KAT6A: variants seen among roughly 807,000 people sequenced by gnomAD.
The protein encoded by KAT6A is histone acetyltransferase KAT6A.
In KAT6A, 9 loss-of-function variants were observed where a neutral mutation model predicts 198.4. The ratio of observed to expected loss-of-function variants is 0.05; its 90% confidence interval spans 0.03 to 0.08. The LOEUF (loss-of-function observed/expected upper bound fraction) is 0.08, where lower values mean the gene tolerates loss of function less well. Ranked by LOEUF, KAT6A falls within the 10% of genes least tolerant of loss-of-function variation. KAT6A has a pLI of 1.00. For synonymous variants in KAT6A, 890 were observed against 883.0 expected, an observed-to-expected ratio of 1.01 and a Z score of -0.14; for missense variants, 2,077 against 2,509.9, an observed-to-expected ratio of 0.83 and a Z score of 3.69.
At chr8:42,000,703 A>G (rs1374713720) in intron 2 of KAT6A, among the ~76,000 whole-genome samples, 1 of 152,226 alleles carries the variant, frequency 6.6e-6, no homozygotes, top group African/African-American at 2.4e-5. Context: ...ATCGGCATAT[A>G]GCATCATTTT....
chr8:41,962,665 T>C (rs1823268803), intron 8 of KAT6A, among the ~76,000 whole-genome samples: 1 of 151,998 alleles, frequency 6.6e-6, no homozygotes, highest in Non-Finnish European at 1.5e-5. Flanking sequence ...GTCATTCTTC[T>C]GCTCAAAACC....
intron 2 of KAT6A, among the ~76,000 whole-genome samples, chr8:42,035,255 C>T (rs1398499792): frequency 6.6e-6 from 1 of 152,114 alleles, no homozygotes; most frequent in African/African-American, 2.4e-5. Flanking sequence ...GCATCAGAAT[C>T]GATGGCAATG....
intron 8 of KAT6A, among the ~76,000 whole-genome samples, chr8:41,964,114 A>G (rs185266641): frequency 7.2e-4 from 110 of 152,310 alleles, no homozygotes; most frequent in African/African-American, 2.5e-3. Flanking sequence ...CAGTAATACT[A>G]TATCATAAAT....
intron 2 of KAT6A, among the ~76,000 whole-genome samples, chr8:42,044,887 T>G (rs1827834303): frequency 6.6e-6 from 1 of 152,224 alleles, no homozygotes; most frequent in African/African-American, 2.4e-5. Context: ...TGGATAATTC[T>G]TTTCTTTTTT....
At chr8:42,023,111 G>A (rs1434733082) in intron 2 of KAT6A, among the ~76,000 whole-genome samples, 1 of 152,144 alleles carries the variant, frequency 6.6e-6, no homozygotes, top group Non-Finnish European at 1.5e-5. Context: ...TAACACAATG[G>A]TAAGATTTTG....
intron 15 of KAT6A, among the ~76,000 whole-genome samples, chr8:41,938,480 G>A (rs750473199): frequency 1.4e-4 from 21 of 152,210 alleles, no homozygotes; most frequent in Middle Eastern, 3.4e-3. Context: ...AGTCCCAATC[G>A]AGAATGTAAT....
At chr8:41,990,079 A>G (rs1482803746) in intron 2 of KAT6A, among the ~76,000 whole-genome samples, 2 of 152,014 alleles carry the variant, frequency 1.3e-5, no homozygotes, top group East Asian at 1.9e-4. Flanking sequence ...AACTCTAAAG[A>G]AGGCCTAGGA....
intron 2 of KAT6A, among the ~76,000 whole-genome samples, chr8:41,998,043 C>CA (rs1825306066): frequency 6.6e-6 from 1 of 152,010 alleles, no homozygotes; most frequent in Non-Finnish European, 1.5e-5. Context: ...GCTAGGTTGT[C>CA]AAAATATAAC....
At chr8:42,025,367 ATG>A (rs1357241694) in intron 2 of KAT6A, among the ~76,000 whole-genome samples, 3 of 82,606 alleles carry the variant, frequency 3.6e-5, no homozygotes, top group South Asian at 4.6e-4. Context: ...GCCCACCACC[ATG>A]CCTGGCTAAT....
chr8:41,977,945 T>C lies in KAT6A; in HGVS notation c.1044-618A>G, dbSNP rs572975712. Among the ~76,000 whole-genome samples, 22 of 152,300 alleles carry C rather than the reference T, an allele frequency of 1.4e-4. No individual in the cohort carries two copies. The East Asian group carries it at 3.9e-3, about 27-fold the overall frequency. On this transcript the variant is annotated intron_variant, in intron 6 of 16. Transcript: ENST00000265713. Reference sequence around the variant, plus strand: ...CGTGTAAAAAAAGTAAGTAAAACTTTTGATAATAAAGGGAGGTTGACAAGC... The same window carrying C: ...CGTGTAAAAAAAGTAAGTAAAACTTCTGATAATAAAGGGAGGTTGACAAGC...
rs898047197 is a variant in KAT6A, at chr8:41,934,942, A to G, written c.3353-75T>C. On this transcript the variant is annotated intron_variant, in intron 16 of 16. Coordinates refer to ENST00000265713, the MANE Select transcript of KAT6A (RefSeq NM_006766.5). ...TCTAGTTCCTTCTTCCAAGACTAGCATATACAATAGAAATGACTTTATTAA... is the reference window on the plus strand; with the variant it reads ...TCTAGTTCCTTCTTCCAAGACTAGCGTATACAATAGAAATGACTTTATTAA... The G allele has an allele frequency of 8.8e-6, 10 of 1,138,086 alleles. No homozygotes were observed. The Admixed American group carries it at 1.4e-4, about 16-fold the overall frequency. The allele number at this position is 1,138,086 out of a possible 1,614,324, so 70.5% of individuals were successfully genotyped here. A position where few individuals can be genotyped will look rare whatever the true frequency, so the allele number is the denominator to read the frequency against.
In KAT6A at chr8:42,016,903, C is replaced by CA. The variant is rs532147107; in HGVS notation, c.601-29341dup. Among the ~76,000 whole-genome samples, 30 of 150,180 alleles carry CA rather than the reference C, an allele frequency of 2.0e-4. 1 individual carries two copies. Among genetic ancestry groups the CA allele is most frequent in the South Asian group, 8.4e-4 (4 of 4,778 alleles). ...AATGACTCTGGATCTCTGAGGGATG[C>CA]AAAAAAAAATTAGCACTACATACAC... On this transcript the variant is annotated intron_variant, in intron 2 of 16. Coordinates refer to ENST00000265713, the MANE Select transcript of KAT6A (RefSeq NM_006766.5).
At chr8:41,964,727 C>T (rs1258607438) in intron 8 of KAT6A, among the ~76,000 whole-genome samples, 3 of 151,194 alleles carry the variant, frequency 2.0e-5, no homozygotes, top group Non-Finnish European at 2.9e-5. Context: ...TTTTCCTATT[C>T]ATCCATACCC....
intron 2 of KAT6A, among the ~76,000 whole-genome samples, chr8:42,042,393 G>C (rs558922321): frequency 4.0e-5 from 6 of 151,576 alleles, no homozygotes; most frequent in African/African-American, 1.5e-4. Flanking sequence ...AGGAGGTGGA[G>C]GTTGCACCAC....
chr8:42,043,665 G>A (rs1827771123), intron 2 of KAT6A: 1 of 152,180 alleles, frequency 6.6e-6, no homozygotes, highest in South Asian at 2.1e-4. Flanking sequence ...TAGGAAATGT[G>A]CTATGAAGTT....
At chr8:42,039,183 T>C (rs1827517680) in intron 2 of KAT6A, among the ~76,000 whole-genome samples, 1 of 152,194 alleles carries the variant, frequency 6.6e-6, no homozygotes, top group Non-Finnish European at 1.5e-5. Context: ...TCTAATTCAT[T>C]CGCTGCAGAT....
intron 8 of KAT6A, 119 bp downstream of exon 8, chr8:41,974,585 C>G: frequency 1.6e-6 from 1 of 642,238 alleles, no homozygotes; most frequent in Admixed American, 2.5e-5. Context: ...ACACACAAAC[C>G]ACAACTATTC....
At chr8:41,967,540 T>C (rs539000564) in intron 8 of KAT6A, among the ~76,000 whole-genome samples, 1 of 148,804 alleles carries the variant, frequency 6.7e-6, no homozygotes, top group South Asian at 2.2e-4. Flanking sequence ...AGTGAGAATA[T>C]GCAGTGTTTG....
intron 10 of KAT6A, 106 bp from the exon 11 acceptor site, chr8:41,948,018 G>A (rs1822481081): frequency 2.2e-6 from 2 of 899,674 alleles, no homozygotes; most frequent in Admixed American, 6.6e-5. Flanking sequence ...CAGACTAGGA[G>A]AAGGTGTCCA....
Sources: gnomAD v4.1 joint callset for allele counts (sites outside exome capture counted in the v4.1 genomes callset) on GRCh38, gnomAD v4.1.1 for gene constraint, MANE v1.5 for transcripts, NCBI Gene and HGNC (gene_info 2026-07-23, HGNC 2026-07-21) for gene names.